NAT16: variants seen among roughly 807,000 people sequenced by gnomAD.
The protein encoded by NAT16 is N-acetyltransferase 16 (putative).
In NAT16, 16 loss-of-function variants were observed where a neutral mutation model predicts 15.9. That is an observed-to-expected ratio of 1.01 (90% CI 0.68 to 1.53). The LOEUF (loss-of-function observed/expected upper bound fraction) is 1.53. NAT16 is among the 40% of genes most tolerant of loss of function. The pLI is 0.00. For missense variants in NAT16, 572 were observed against 508.4 expected (o/e 1.13, Z -1.20); for synonymous variants, 260 against 241.9 (o/e 1.07, Z -0.69).
Position 101,172,092 on chromosome 7 carries a change from T to C in NAT16, c.1097A>G (p.Glu366Gly), listed in dbSNP as rs201313983. Residue 366 changes from glutamate (E) to glycine (G), a missense_variant, in exon 4 of 4, where the codon GAG becomes GGG. Physicochemically the swap from Glu to Gly is moderately conservative, Grantham distance 98 (BLOSUM62 -2). Transcript: ENST00000300303. This position sits in a 1 kb window ranked among gnomAD's most constrained non-coding sequence, Gnocchi z 4.2. ...VKGYTEQYLLEADI is the reference protein window; with the variant it reads ...VKGYTEQYLLGADI ...AGAGGAGAGGCCTCAGATGTCGGCC[T>C]CCAGCAGGTACTGTTCAGTATAACC... The C allele has an allele frequency of 8.8e-5, 142 of 1,610,778 alleles. 1 individual carries two copies. The highest frequency in any genetic ancestry group is 1.7e-5 in the Admixed American group (1 of 59,656).
At chr7:101,176,618 G>A (rs1584224215) in intron 1 of NAT16, among the ~76,000 whole-genome samples, 1 of 145,952 alleles carries the variant, frequency 6.9e-6, no homozygotes, top group Middle Eastern at 3.4e-3. Flanking sequence ...GGAGACTTGG[G>A]CTCTGTCCAC....
At position 101,172,704 on chromosome 7, in the gene NAT16, G is replaced by A. The variant is rs903613658; in HGVS notation, c.538-53C>T. The A allele has an allele frequency of 1.0e-5, 14 of 1,356,194 alleles. No individual in the cohort carries two copies. The highest frequency in any genetic ancestry group is 1.3e-5 in the Non-Finnish European group (13 of 1,039,880). The allele number at this position is 1,356,194 out of a possible 1,614,324, so 84.0% of individuals were successfully genotyped here. ...AGGGGGGGCGCAGCAGGGCTGGCGA[G>A]CCCGGCGCCTCTCGGCAGGCATCTT... On this transcript the variant is annotated intron_variant, in intron 3 of 3. Transcript: ENST00000300303. This position sits in a 1 kb window ranked among gnomAD's most constrained non-coding sequence, Gnocchi z 4.2.
At chr7:101,173,235 A>C in intron 3 of NAT16, 61 bp downstream of exon 3, 1 of 1,414,518 alleles carries the variant, frequency 7.1e-7, no homozygotes, top group Non-Finnish European at 1.0e-6. Flanking sequence ...GGGGGTGGGG[A>C]GGGTCTCCCC....
At chr7:101,174,919 TTTTTC>T (rs1450274936) in intron 1 of NAT16, 108 bp from the exon 2 acceptor site, 11 of 1,246,602 alleles carry the variant, frequency 8.8e-6, no homozygotes, top group East Asian at 6.1e-5. Context: ...ATAGCCTTTC[TTTTTC>T]TTTTCTTTTA....
intron 2 of NAT16, 102 bp downstream of exon 2, chr7:101,174,394 C>T: frequency 7.1e-7 from 1 of 1,411,414 alleles, no homozygotes; most frequent in Non-Finnish European, 9.3e-7. Context: ...CCGCAGCCTC[C>T]AGAGGAAGGC....
chr7:101,172,680 G>C lies in NAT16; in HGVS notation c.538-29C>G, dbSNP rs778653283. On this transcript the variant is annotated intron_variant, in intron 3 of 3. Coordinates refer to ENST00000300303, the MANE Select transcript of NAT16 (RefSeq NM_198571.3). The surrounding 1 kb of genome is among the most constrained non-coding windows in gnomAD (Gnocchi z 4.2). Reference sequence around the variant, plus strand: ...CGGGGGGCACGAGTGAGCGCGGGGAGGGGGGGCGCAGCAGGGCTGGCGAGC... The same window carrying C: ...CGGGGGGCACGAGTGAGCGCGGGGACGGGGGGCGCAGCAGGGCTGGCGAGC... 5.6e-6 allele frequency: 8 copies of C among 1,440,278 alleles called. No individual in the cohort carries two copies. The highest frequency in any genetic ancestry group is 7.3e-6 in the Non-Finnish European group (8 of 1,102,554). The allele number at this position is 1,440,278 out of a possible 1,614,324, so 89.2% of individuals were successfully genotyped here.
At position 101,170,585 on chromosome 7, in the gene NAT16, A is replaced by G. The variant is rs779758270; in HGVS notation, c.*1494T>C. 1 of 152,442 alleles carries G rather than the reference A, an allele frequency of 6.6e-6. No homozygotes were observed. Among genetic ancestry groups the G allele is most frequent in the African/African-American group, 2.4e-5 (1 of 41,442 alleles). The allele number at this position is 152,442 out of a possible 1,614,324, so 9.4% of individuals were successfully genotyped here. On this transcript the variant is annotated 3_prime_UTR_variant, in exon 4 of 4. Coordinates refer to ENST00000300303, the MANE Select transcript of NAT16 (RefSeq NM_198571.3). ...GGCCAGGCACAGGATGCACCCAAGG[A>G]GAGCAGCACAGTAGCAAAACCAGAG...
intron 1 of NAT16, among the ~76,000 whole-genome samples, chr7:101,178,261 A>G (rs35587552): frequency 0.14 from 22,017 of 152,060 alleles, 1,730 homozygotes; most frequent in South Asian, 0.18. Flanking sequence ...CCATCTTTCA[A>G]CCCAGGCACC....
chr7:101,174,235 A>C (rs961311472), intron 2 of NAT16: 24 of 516,548 alleles, frequency 4.6e-5, no homozygotes, highest in Non-Finnish European at 7.8e-5. Context: ...TTACCCCCAG[A>C]AATTCCTCCG....
Position 101,170,863 on chromosome 7 carries a change from C to A in NAT16, c.*1216G>T, listed in dbSNP as rs1352881505. ...CTATTCGCTGGGAGGCTCCTAGCTA[C>A]TTTGAATGACTTAGAAGTCACTTTG... On this transcript the variant is annotated 3_prime_UTR_variant, in exon 4 of 4. Transcript: ENST00000300303. The A allele has an allele frequency of 6.6e-6, 1 of 152,268 alleles. No individual in the cohort carries two copies. The highest frequency in any genetic ancestry group is 2.4e-5 in the African/African-American group (1 of 41,464). The allele number at this position is 152,268 out of a possible 1,614,324, so 9.4% of individuals were successfully genotyped here.
chr7:101,173,547 GCCCTCC>G (rs1797393755), intron 2 of NAT16, 27 bp from the exon 3 acceptor site: 1 of 1,523,824 alleles, frequency 6.6e-7, no homozygotes, highest in Admixed American at 2.0e-5. Flanking sequence ...TTAGCGCGGG[GCCCTCC>G]CCGCCTGCGC....
At chr7:101,176,790 T>A (rs1183423138) in intron 1 of NAT16, among the ~76,000 whole-genome samples, 1 of 152,156 alleles carries the variant, frequency 6.6e-6, no homozygotes, top group East Asian at 1.9e-4. Context: ...CAGCCAATGA[T>A]AATGCTCACC....
Position 101,171,587 on chromosome 7 carries a change from T to C in NAT16, c.*492A>G, listed in dbSNP as rs2116720806. 1 of 156,126 alleles carries C rather than the reference T, an allele frequency of 6.4e-6. No homozygotes were observed. Among genetic ancestry groups the C allele is most frequent in the Non-Finnish European group, 1.4e-5 (1 of 70,770 alleles). The allele number at this position is 156,126 out of a possible 1,614,324, so 9.7% of individuals were successfully genotyped here. A position where few individuals can be genotyped will look rare whatever the true frequency, so the allele number is the denominator to read the frequency against. ...GCAATGCAGGACCAGTTTTTAGGGCTTTAGAAAGGGCAGAAGGAAGAAAAG... is the reference window on the plus strand; with the variant it reads ...GCAATGCAGGACCAGTTTTTAGGGCCTTAGAAAGGGCAGAAGGAAGAAAAG... On this transcript the variant is annotated 3_prime_UTR_variant, in exon 4 of 4. Transcript: ENST00000300303.
In NAT16 at chr7:101,172,445, G is replaced by A. The variant is rs755172619; in HGVS notation, c.744C>T (p.Pro248=). The A allele has an allele frequency of 1.9e-6, 3 of 1,599,262 alleles. No individual in the cohort carries two copies. The highest frequency in any genetic ancestry group is 2.2e-5 in the South Asian group (2 of 89,786). ...PGGTIIQDWQ[P]YRPSESNLRL... is the part of the protein sequence containing the mutation. ...GCAGGTTGCTTTCGCTAGGCCGGTAGGGCTGCCAGTCCTGGATGATGGTCC... is the reference window on the plus strand; with the variant it reads ...GCAGGTTGCTTTCGCTAGGCCGGTAAGGCTGCCAGTCCTGGATGATGGTCC... Residue 248 remains proline, a synonymous_variant, in exon 4 of 4, where the codon CCC becomes CCT. Coordinates refer to ENST00000300303, the MANE Select transcript of NAT16 (RefSeq NM_198571.3). The surrounding 1 kb of genome is among the most constrained non-coding windows in gnomAD (Gnocchi z 4.2).
Position 101,171,906 on chromosome 7 carries a change from T to C in NAT16, c.*173A>G. ...GTGTTTGGGGGAGCTAGAGGCAAGA[T>C]AGTAAGGGCAAAAGGGACAGAGTGG... is the stretch of plus-strand genomic sequence containing the variant. On this transcript the variant is annotated 3_prime_UTR_variant, in exon 4 of 4. Coordinates refer to ENST00000300303, the MANE Select transcript of NAT16 (RefSeq NM_198571.3). 1.7e-6 allele frequency: 1 copy of C among 587,398 alleles called. No homozygotes were observed. The highest frequency in any genetic ancestry group is 3.0e-6 in the Non-Finnish European group (1 of 330,022). 36.4% of individuals were successfully genotyped at this position (587,398 alleles called of 1,614,324 possible). A position where few individuals can be genotyped will look rare whatever the true frequency, so the allele number is the denominator to read the frequency against.
chr7:101,173,479 CG>C lies in NAT16; in HGVS notation c.353del (p.Thr118ArgfsTer53), dbSNP rs1797390508. ...ESVNVIDAGE[T>X]VLVEGLRVAP... ...CCACGCGCAGCCCCTCCACCAGCAC[CG>C]TCTCCCCGGCGTCGATCACGTTCAC... On this transcript the variant is annotated frameshift_variant, in exon 3 of 4. Coordinates refer to ENST00000300303, the MANE Select transcript of NAT16 (RefSeq NM_198571.3). LOFTEE classifies it high-confidence loss of function. 2.5e-6 allele frequency: 4 copies of C among 1,609,432 alleles called. No individual in the cohort carries two copies. The highest frequency in any genetic ancestry group is 3.4e-6 in the Non-Finnish European group (4 of 1,177,666).
At position 101,172,611 on chromosome 7, in the gene NAT16, G is replaced by T; in HGVS notation, c.578C>A (p.Ala193Asp). The T allele has an allele frequency of 6.6e-7, 1 of 1,526,238 alleles. No homozygotes were observed. The highest frequency in any genetic ancestry group is 8.7e-7 in the Non-Finnish European group (1 of 1,145,094). The allele number at this position is 1,526,238 out of a possible 1,614,324, so 94.5% of individuals were successfully genotyped here. A position where few individuals can be genotyped will look rare whatever the true frequency, so the allele number is the denominator to read the frequency against. Residue 193 changes from alanine (A) to aspartate (D), a missense_variant, in exon 4 of 4, where the codon GCC becomes GAC. Ala to Asp is a moderately radical substitution (Grantham distance 126, BLOSUM62 -2). Coordinates refer to ENST00000300303, the MANE Select transcript of NAT16 (RefSeq NM_198571.3). The surrounding 1 kb of genome is among the most constrained non-coding windows in gnomAD (Gnocchi z 4.2). ...LVRFNASALL[A>D]GLGARLAALR... ...CGCCGCCAGCCGCGCGCCCAGCCCG[G>T]CCAGCAGCGCGGACGCGTTGAATCG...
At chr7:101,173,150 TG>T in intron 3 of NAT16, 145 bp downstream of exon 3, 1 of 738,240 alleles carries the variant, frequency 1.4e-6, no homozygotes, top group Non-Finnish European at 2.4e-6. Flanking sequence ...TGGTAAGGAC[TG>T]GGAGTCCCAG....
chr7:101,174,662 T>G lies in NAT16; in HGVS notation c.146A>C (p.Glu49Ala), dbSNP rs1253938608. 2.5e-6 allele frequency: 4 copies of G among 1,614,044 alleles called. No homozygotes were observed. Among genetic ancestry groups the G allele is most frequent in the Non-Finnish European group, 8.5e-7 (1 of 1,180,014 alleles). The part of the protein sequence containing the change: ...EPRSGSGPEA[E>A]AEPLDFVVAT... ...CACCACGAAGTCCAATGGCTCGGCC[T>G]CAGCCTCAGGCCCCGATCCCGACCT... The change falls in exon 2 of 4, where the codon GAG (glutamate) becomes GCG (alanine). Residue 49 changes from glutamate (E) to alanine (A), a missense_variant. By Grantham distance (107) the Glu-to-Ala change is moderately radical. Transcript: ENST00000300303.
Sources: allele counts gnomAD v4.1 joint callset (sites outside exome capture counted in the v4.1 genomes callset), GRCh38; gene constraint gnomAD v4.1.1; non-coding constraint Gnocchi (gnomAD v3.1); transcripts MANE v1.5; gene names NCBI Gene and HGNC (gene_info 2026-07-23, HGNC 2026-07-21).